Variants in TLE4 observed in about 807,000 individuals in gnomAD.
TLE4 encodes TLE family member 4, transcriptional corepressor.
TLE4 carries 8 observed loss-of-function variants against 92.8 expected under a neutral mutation model. The observed-to-expected ratio is 0.09, with a 90% confidence interval of 0.05 to 0.16. TLE4 has a LOEUF of 0.16. TLE4 is among the 10% of genes least tolerant of loss of function. TLE4 has a pLI of 1.00. For synonymous variants in TLE4, 371 were observed against 374.1 expected, an observed-to-expected ratio of 0.99 and a Z score of 0.10; for missense variants, 675 against 997.6, an observed-to-expected ratio of 0.68 and a Z score of 4.36.
intron 5 of TLE4, among the ~76,000 whole-genome samples, chr9:79,618,754 AGGAGCACACCTGG>A (rs577582254): frequency 5.4e-4 from 83 of 152,332 alleles, no homozygotes; most frequent in Non-Finnish European, 1.0e-3. Context: ...AGCAATGATG[AGGAGCACACCTGG>A]GGGCCTGCAC....
chr9:79,719,219 A>C (rs1279480950), intron 15 of TLE4, among the ~76,000 whole-genome samples: 1 of 152,112 alleles, frequency 6.6e-6, no homozygotes, highest in Non-Finnish European at 1.5e-5. Context: ...GGAAAAGGCA[A>C]ACCGCTTGTT....
At position 79,706,830 on chromosome 9, in the gene TLE4, C is replaced by T. The variant is rs1210684162; in HGVS notation, c.867C>T (p.Ala289=). The T allele has an allele frequency of 1.2e-6, 2 of 1,614,032 alleles. No homozygotes were observed. Among genetic ancestry groups the T allele is most frequent in the African/African-American group, 1.3e-5 (1 of 74,898 alleles). Residue 289 remains alanine, a synonymous_variant, in exon 11 of 20, where the codon GCC becomes GCT. Coordinates refer to ENST00000376552, the MANE Select transcript of TLE4 (RefSeq NM_007005.6). ...AGACACGCCTGCTCAAGAAAGATGCCCCGATTAGTCCAGCCTCTATTGCAT... is the reference window on the plus strand; with the variant it reads ...AGACACGCCTGCTCAAGAAAGATGCTCCGATTAGTCCAGCCTCTATTGCAT... ...LDKTRLLKKD[A]PISPASIASS...
In TLE4 at chr9:79,709,620, T is replaced by G. The variant is rs1201355920; in HGVS notation, c.1264-3T>G. 6.2e-7 allele frequency: 1 copy of G among 1,613,608 alleles called. No homozygotes were observed. Among genetic ancestry groups the G allele is most frequent in the Non-Finnish European group, 8.5e-7 (1 of 1,179,736 alleles). On this transcript the variant is annotated splice_region_variant and splice_polypyrimidine_tract_variant and intron_variant, in intron 13 of 19. Coordinates refer to ENST00000376552, the MANE Select transcript of TLE4 (RefSeq NM_007005.6). ...TCTGTTGTTTGCTTGGGAAAAATTCTAGGTGGGATTTGATCCACACCATCA... is the reference window on the plus strand; with the variant it reads ...TCTGTTGTTTGCTTGGGAAAAATTCGAGGTGGGATTTGATCCACACCATCA...
At chr9:79,611,706 A>T (rs1458300002) in intron 4 of TLE4, among the ~76,000 whole-genome samples, 3 of 151,710 alleles carry the variant, frequency 2.0e-5, no homozygotes, top group African/African-American at 4.8e-5. Flanking sequence ...TACGTGTATT[A>T]AAAAAAACTG....
intron 1 of TLE4, 180 bp from the exon 2 acceptor site, chr9:79,573,509 A>C (rs1229959189): frequency 2.4e-6 from 2 of 846,702 alleles, no homozygotes; most frequent in East Asian, 6.5e-5. Context: ...GACCACCTCG[A>C]AACCAGCCTC....
chr9:79,620,496 A>G (rs1476959785), intron 5 of TLE4, among the ~76,000 whole-genome samples: 1 of 152,202 alleles, frequency 6.6e-6, no homozygotes, highest in Admixed American at 6.5e-5. Flanking sequence ...GCAGTCAGTA[A>G]TGTGCTCCTA....
At chr9:79,656,063 T>A (rs1018534630) in intron 8 of TLE4, among the ~76,000 whole-genome samples, 6 of 152,224 alleles carry the variant, frequency 3.9e-5, no homozygotes, top group African/African-American at 7.2e-5. Flanking sequence ...TGGGATGGCA[T>A]CTATAAATAG....
rs985900697 is a variant in TLE4, at chr9:79,572,116, CTT to C, written c.-672_-671del. On this transcript the variant is annotated 5_prime_UTR_variant, in exon 1 of 20. Coordinates refer to ENST00000376552, the MANE Select transcript of TLE4 (RefSeq NM_007005.6). Reference sequence around the variant, plus strand: ...AAAAAAAAGCCGCAAGCGTTTCACTCTTTTATTTTTATAATCCCCTTCAATTT... The same window carrying C: ...AAAAAAAAGCCGCAAGCGTTTCACTCTTATTTTTATAATCCCCTTCAATTT... 2.0e-4 allele frequency: 30 copies of C among 151,380 alleles called. No homozygotes were observed. Among genetic ancestry groups the C allele is most frequent in the African/African-American group, 7.0e-4 (29 of 41,184 alleles). The allele number at this position is 151,380 out of a possible 1,614,324, so 9.4% of individuals were successfully genotyped here.
At position 79,706,811 on chromosome 9, in the gene TLE4, G is replaced by A. The variant is rs1295084060; in HGVS notation, c.848G>A (p.Arg283His). The A allele has an allele frequency of 6.2e-6, 10 of 1,613,982 alleles. No individual in the cohort carries two copies. Among genetic ancestry groups the A allele is most frequent in the East Asian group, 4.5e-5 (2 of 44,890 alleles). The change falls in exon 11 of 20, where the codon CGC becomes CAC. Residue 283 changes from arginine (R) to histidine (H), a missense_variant. By Grantham distance (29) the Arg-to-His change is conservative. Around this residue, in one of 5 missense-constraint regions of TLE4, gnomAD observed 280 missense variants for 287.3 expected, o/e 0.97. Coordinates refer to ENST00000376552, the MANE Select transcript of TLE4 (RefSeq NM_007005.6). Reference sequence around the variant, plus strand: ...AGAGAGAATGGCCTAGACAAGACACGCCTGCTCAAGAAAGATGCCCCGATT... The same window carrying A: ...AGAGAGAATGGCCTAGACAAGACACACCTGCTCAAGAAAGATGCCCCGATT... The part of the protein sequence containing the change: ...SPRENGLDKT[R>H]LLKKDAPISP...
intron 4 of TLE4, among the ~76,000 whole-genome samples, chr9:79,610,326 A>G (rs2048078961): frequency 6.6e-6 from 1 of 152,076 alleles, no homozygotes; most frequent in Non-Finnish European, 1.5e-5. Context: ...CTCAGTTTCA[A>G]AACATAGGCC....
At chr9:79,573,421 C>T in intron 1 of TLE4, 2 of 1,188,172 alleles carry the variant, frequency 1.7e-6, no homozygotes, top group South Asian at 2.8e-5. Flanking sequence ...CTGTCTTTGG[C>T]CGGGGAGGGG....
chr9:79,629,321 A>G (rs931288671), intron 6 of TLE4, among the ~76,000 whole-genome samples: 6 of 152,132 alleles, frequency 3.9e-5, no homozygotes, highest in African/African-American at 1.4e-4. Context: ...GAAGATATAA[A>G]ATCAGAACAA....
At chr9:79,592,165 TTCTTCC>T (rs1554694440) in intron 4 of TLE4, among the ~76,000 whole-genome samples, 202 of 140,832 alleles carry the variant, frequency 1.4e-3, no homozygotes, top group East Asian at 2.8e-3. Flanking sequence ...CTTCTTCTTC[TTCTTCC>T]TCTTCCTCTT....
At chr9:79,604,812 G>A (rs1428167732) in intron 4 of TLE4, among the ~76,000 whole-genome samples, 1 of 152,008 alleles carries the variant, frequency 6.6e-6, no homozygotes, top group Non-Finnish European at 1.5e-5. Context: ...TTGTCTTTAG[G>A]TATTTCTCAC....
In TLE4 at chr9:79,641,986, A is replaced by G. The variant is rs181362847; in HGVS notation, c.391-10607A>G. On this transcript the variant is annotated intron_variant, in intron 6 of 19. Coordinates refer to ENST00000376552, the MANE Select transcript of TLE4 (RefSeq NM_007005.6). ...TAATTAAAAAAGGGTATAGAAGACTATAGAAAATATTAGCGTATGTTGCAC... is the reference window on the plus strand; with the variant it reads ...TAATTAAAAAAGGGTATAGAAGACTGTAGAAAATATTAGCGTATGTTGCAC... Among the ~76,000 whole-genome samples, 25 of 152,068 alleles carry G rather than the reference A, an allele frequency of 1.6e-4. No homozygotes were observed. In the East Asian group the frequency reaches 4.6e-3, roughly 28 times the overall value.
At chr9:79,664,963 T>C in intron 8 of TLE4, among the ~76,000 whole-genome samples, 1 of 152,234 alleles carries the variant, frequency 6.6e-6, no homozygotes, top group East Asian at 1.9e-4. Context: ...GAATATTACA[T>C]ATGAAATGTT....
intron 4 of TLE4, among the ~76,000 whole-genome samples, chr9:79,600,152 C>T (rs1287898629): frequency 1.3e-5 from 2 of 152,254 alleles, no homozygotes; most frequent in Non-Finnish European, 1.5e-5. Context: ...AAATTGCCTA[C>T]AGAATTTAAT....
At chr9:79,643,173 C>G (rs1171254790) in intron 6 of TLE4, among the ~76,000 whole-genome samples, 3 of 152,198 alleles carry the variant, frequency 2.0e-5, no homozygotes, top group Non-Finnish European at 4.4e-5. Flanking sequence ...ACACTGTATA[C>G]TCGTCACCTA....
intron 5 of TLE4, among the ~76,000 whole-genome samples, chr9:79,617,350 T>C (rs2049886865): frequency 6.6e-6 from 1 of 152,130 alleles, no homozygotes; most frequent in Non-Finnish European, 1.5e-5. Context: ...GGAGGATAGT[T>C]GTGTTTTTTG....
Sources: allele counts gnomAD v4.1 joint callset (sites outside exome capture counted in the v4.1 genomes callset), GRCh38; gene constraint gnomAD v4.1.1; regional missense constraint gnomAD v4.1.1; transcripts MANE v1.5; gene names NCBI Gene and HGNC (gene_info 2026-07-23, HGNC 2026-07-21).